The following SLC25A21 variants were observed in gnomAD, a reference collection of about 807,000 sequenced individuals.
SLC25A21 encodes mitochondrial 2-oxodicarboxylate carrier.
SLC25A21 carries 47 observed loss-of-function variants against 43.8 expected under a neutral mutation model. That is an observed-to-expected ratio of 1.07 (90% CI 0.85 to 1.37). The LOEUF is 1.37. Among genes scored for constraint, SLC25A21 ranks in the 40% most tolerant of loss-of-function variants. The pLI, the probability that SLC25A21 is intolerant of heterozygous loss-of-function variation, is 0.00. For missense variants in SLC25A21, 352 were observed against 350.2 expected (o/e 1.00, Z -0.04); for synonymous variants, 131 against 121.3 (o/e 1.08, Z -0.52).
At chr14:37,104,582 G>A (rs891581695) in intron 1 of SLC25A21, among the ~76,000 whole-genome samples, 3 of 152,056 alleles carry the variant, frequency 2.0e-5, no homozygotes, top group Non-Finnish European at 4.4e-5. Context: ...ACTATGGCCC[G>A]TGGCACAAAC....
chr14:37,149,837 A>G (rs1224787416), intron 1 of SLC25A21, among the ~76,000 whole-genome samples: 1 of 152,168 alleles, frequency 6.6e-6, no homozygotes, highest in Non-Finnish European at 1.5e-5. Context: ...GAGAGAAAAA[A>G]TAATTTAATT....
At chr14:37,060,772 C>T (rs1025905377) in intron 1 of SLC25A21, among the ~76,000 whole-genome samples, 6 of 152,074 alleles carry the variant, frequency 3.9e-5, no homozygotes, top group Non-Finnish European at 1.5e-5. Flanking sequence ...AACATGGTTA[C>T]TTGTAGTCAG....
intron 1 of SLC25A21, among the ~76,000 whole-genome samples, chr14:36,967,933 G>A (rs188393838): frequency 6.6e-6 from 1 of 152,296 alleles, no homozygotes; most frequent in East Asian, 1.9e-4. Context: ...ACCCAAACGA[G>A]TGCCACAAAG....
At chr14:37,012,461 A>T (rs1960754599) in intron 1 of SLC25A21, among the ~76,000 whole-genome samples, 2 of 152,204 alleles carry the variant, frequency 1.3e-5, no homozygotes, top group Admixed American at 6.5e-5. Flanking sequence ...GCTGAATTGT[A>T]TGTCTGAGTA....
Position 36,934,713 on chromosome 14 carries a change from C to G in SLC25A21, c.71-59709G>C, listed in dbSNP as rs536648888. Among the ~76,000 whole-genome samples, 460 of 108,636 alleles carry G rather than the reference C, an allele frequency of 4.2e-3. 2 individuals carry two copies. Among genetic ancestry groups the G allele is most frequent in the African/African-American group, 0.01 (325 of 32,212 alleles). The allele number at this position is 108,636 out of a possible 152,430, so 71.3% of individuals were successfully genotyped here. On this transcript the variant is annotated intron_variant, in intron 1 of 9. Transcript: ENST00000331299. Reference sequence around the variant, plus strand: ...CTCCTTAGAGTTATACACACACACACAGAGAAAAGAGAGAGAGAGAGAGAG... The same window carrying G: ...CTCCTTAGAGTTATACACACACACAGAGAGAAAAGAGAGAGAGAGAGAGAG...
intron 1 of SLC25A21, among the ~76,000 whole-genome samples, chr14:36,880,726 A>G (rs1315432521): frequency 6.6e-6 from 1 of 152,246 alleles, no homozygotes; most frequent in African/African-American, 2.4e-5. Context: ...ATAAGCAGAT[A>G]AGGACAGAGA....
chr14:36,737,602 G>A (rs922707303), intron 3 of SLC25A21, among the ~76,000 whole-genome samples: 6 of 152,176 alleles, frequency 3.9e-5, no homozygotes, highest in African/African-American at 7.2e-5. Context: ...CCATGCAATA[G>A]AGGACTGTGG....
At chr14:36,735,403 T>C (rs1884989581) in intron 3 of SLC25A21, among the ~76,000 whole-genome samples, 1 of 152,196 alleles carries the variant, frequency 6.6e-6, no homozygotes, top group Non-Finnish European at 1.5e-5. Context: ...ATTTCAAACC[T>C]TAAAATATAT....
rs200963388 is a variant in SLC25A21 at position 36,711,389 on chromosome 14, G to A, written c.532C>T (p.Arg178Ter). ...TAAACCATGTTGAAAACTCCATGTC[G>A]TCCCAAAGTTGCAGTTAATCCTTTG... ...LNKGLTATLG[R>*]HGVFNMVYFG... Residue 178 changes from arginine (R) to a stop codon, truncating the protein, a stop_gained, in exon 7 of 10, where the codon CGA (arginine) becomes TGA (stop). Transcript: ENST00000331299. LOFTEE classifies it high-confidence loss of function. 3.7e-5 allele frequency: 60 copies of A among 1,613,898 alleles called. No homozygotes were observed. The highest frequency in any genetic ancestry group is 1.3e-4 in the Admixed American group (8 of 59,982).
chr14:37,121,946 T>G (rs1963216495), intron 1 of SLC25A21, among the ~76,000 whole-genome samples: 1 of 138,982 alleles, frequency 7.2e-6, no homozygotes, highest in Admixed American at 7.6e-5. Context: ...TGTCCCCTAA[T>G]GCCCAGAGAC....
chr14:36,917,047 T>C (rs1891850410), intron 1 of SLC25A21, among the ~76,000 whole-genome samples: 1 of 152,198 alleles, frequency 6.6e-6, no homozygotes. Flanking sequence ...CCATTTCTAC[T>C]GTTATTGTCA....
At chr14:37,008,292 C>T (rs77690905) in intron 1 of SLC25A21, among the ~76,000 whole-genome samples, 1 of 152,188 alleles carries the variant, frequency 6.6e-6, no homozygotes, top group African/African-American at 2.4e-5. Context: ...TACTCCACAA[C>T]AAGCGTTCAT....
intron 1 of SLC25A21, among the ~76,000 whole-genome samples, chr14:36,901,074 C>T (rs1006795202): frequency 6.6e-6 from 1 of 151,968 alleles, no homozygotes; most frequent in Admixed American, 6.6e-5. Flanking sequence ...AAATCTAAGA[C>T]ATTAGGTCAT....
intron 1 of SLC25A21, among the ~76,000 whole-genome samples, chr14:37,008,650 C>T (rs375160347): frequency 2.0e-5 from 3 of 152,118 alleles, no homozygotes; most frequent in African/African-American, 4.8e-5. Flanking sequence ...TATAATGCAG[C>T]GATGGCCTTA....
intron 7 of SLC25A21, among the ~76,000 whole-genome samples, chr14:36,700,206 G>C (rs1050920840): frequency 6.6e-6 from 1 of 152,172 alleles, no homozygotes; most frequent in Admixed American, 6.5e-5. Flanking sequence ...ACTTCTTGAT[G>C]TAAAAATAAA....
At chr14:36,978,890 C>A (rs1291339772) in intron 1 of SLC25A21, among the ~76,000 whole-genome samples, 1 of 152,148 alleles carries the variant, frequency 6.6e-6, no homozygotes, top group Admixed American at 6.5e-5. Flanking sequence ...AAAAAGTTTA[C>A]TGAGCTGGGC....
chr14:36,817,740 T>C (rs2138453991), intron 2 of SLC25A21, among the ~76,000 whole-genome samples: 1 of 152,284 alleles, frequency 6.6e-6, no homozygotes. Flanking sequence ...ACGTCCTATG[T>C]CTAGATATTC....
intron 1 of SLC25A21, among the ~76,000 whole-genome samples, chr14:37,166,462 T>C (rs773858540): frequency 9.2e-5 from 14 of 152,230 alleles, no homozygotes; most frequent in Non-Finnish European, 1.3e-4. Flanking sequence ...GTTGCATGTA[T>C]GTGCAACTAT....
rs117496696 is a variant in SLC25A21, at chr14:36,958,531, G to A, written c.71-83527C>T. On this transcript the variant is annotated intron_variant, in intron 1 of 9. Coordinates refer to ENST00000331299, the MANE Select transcript of SLC25A21 (RefSeq NM_030631.4). ...GAGACAAGCTTCCCAACTTCACAGA[G>A]ATATTAAAAGTTATTAACTCTTCCT... Among the ~76,000 whole-genome samples, 216 of 152,268 alleles carry A rather than the reference G, an allele frequency of 1.4e-3. 8 individuals carry two copies. The East Asian group carries it at 0.039, about 28-fold the overall frequency.
Sources: gnomAD v4.1 joint callset for allele counts (sites outside exome capture counted in the v4.1 genomes callset) on GRCh38, gnomAD v4.1.1 for gene constraint, MANE v1.5 for transcripts, NCBI Gene and HGNC (gene_info 2026-07-23, HGNC 2026-07-21) for gene names.